AGBL1: variants seen among roughly 807,000 people sequenced by gnomAD.
The protein encoded by AGBL1 is AGBL carboxypeptidase 1, also known as cytosolic carboxypeptidase 4.
Under a neutral mutation model 118.9 loss-of-function variants are expected in AGBL1, and 130 were observed. The ratio of observed to expected loss-of-function variants is 1.09; its 90% CI spans 0.95 to 1.26. AGBL1 has a LOEUF of 1.26. Among genes scored for constraint, AGBL1 ranks in the 50% most tolerant of loss-of-function variants. AGBL1 has a pLI of 0.00. For missense variants in AGBL1, 1,584 were observed against 1,298.1 expected, an observed-to-expected ratio of 1.22 and a Z score of -3.38; for synonymous variants, 555 against 478.9, an observed-to-expected ratio of 1.16 and a Z score of -2.08.
At chr15:86,802,033 T>G (rs1385720856) in intron 22 of AGBL1, among the ~76,000 whole-genome samples, 1 of 152,114 alleles carries the variant, frequency 6.6e-6, no homozygotes, top group Non-Finnish European at 1.5e-5. Flanking sequence ...CCCTAGATGG[T>G]GGGAATAAAT....
intron 23 of AGBL1, among the ~76,000 whole-genome samples, chr15:86,967,297 A>G (rs1596685682): frequency 1.3e-5 from 2 of 151,894 alleles, no homozygotes; most frequent in East Asian, 3.9e-4. Context: ...TCTGACGGTA[A>G]TTTCTTTTGC....
chr15:86,142,956 T>C (rs747791535), intron 2 of AGBL1, among the ~76,000 whole-genome samples: 8 of 152,238 alleles, frequency 5.3e-5, no homozygotes, highest in Admixed American at 1.3e-4. Flanking sequence ...TCGTCTTTGA[T>C]AATGTACCAC....
chr15:86,669,358 T>A (rs2085701662), intron 21 of AGBL1, among the ~76,000 whole-genome samples: 1 of 151,908 alleles, frequency 6.6e-6, no homozygotes, highest in Non-Finnish European at 1.5e-5. Flanking sequence ...ATGAAAAAAA[T>A]CAGAATTTAC....
At chr15:86,129,252 A>G (rs1452281031) in intron 1 of AGBL1, among the ~76,000 whole-genome samples, 1 of 152,180 alleles carries the variant, frequency 6.6e-6, no homozygotes, top group Non-Finnish European at 1.5e-5. Flanking sequence ...GCTAAATTTA[A>G]CTACGTTGTC....
intron 3 of AGBL1, among the ~76,000 whole-genome samples, chr15:86,149,987 A>G (rs993866604): frequency 1.3e-5 from 2 of 152,178 alleles, no homozygotes; most frequent in Non-Finnish European, 2.9e-5. Context: ...TCAAAACCGC[A>G]CAACTACATG....
intron 21 of AGBL1, among the ~76,000 whole-genome samples, chr15:86,641,528 T>C (rs180780514): frequency 2.6e-5 from 4 of 152,260 alleles, no homozygotes; most frequent in African/African-American, 9.6e-5. Context: ...TGAGAATCAT[T>C]TTTCTCCTGA....
chr15:86,974,523 A>G (rs1330505049), intron 23 of AGBL1, among the ~76,000 whole-genome samples: 1 of 139,566 alleles, frequency 7.2e-6, no homozygotes, highest in Non-Finnish European at 1.5e-5. Flanking sequence ...TATATATAAT[A>G]TATATTAAAT....
intron 5 of AGBL1, among the ~76,000 whole-genome samples, chr15:86,185,546 G>C (rs145295356): frequency 0.015 from 2,287 of 152,092 alleles, 66 homozygotes; most frequent in African/African-American, 0.053. Context: ...GAAAACGTGG[G>C]ACATATATAC....
At chr15:86,889,100 T>G (rs1256005281) in intron 22 of AGBL1, among the ~76,000 whole-genome samples, 5 of 152,138 alleles carry the variant, frequency 3.3e-5, no homozygotes, top group Admixed American at 3.3e-4. Context: ...GTTTATAATT[T>G]GTTTTCCGTT....
chr15:86,359,387 C>CTT (rs56189861), intron 17 of AGBL1, among the ~76,000 whole-genome samples: 1 of 93,806 alleles, frequency 1.1e-5, no homozygotes, highest in African/African-American at 4.1e-5. Context: ...TATTGGTTTT[C>CTT]TTTTTTTTTT....
chr15:86,439,238 G>T (rs4887462), intron 18 of AGBL1, among the ~76,000 whole-genome samples: 64,810 of 151,786 alleles, frequency 0.43, 14,467 homozygotes, highest in East Asian at 0.82. Context: ...TTAAGTGTGT[G>T]TTATCTGCCA....
chr15:86,354,645 GAATTCATATGATAT>G (rs1360386610), intron 17 of AGBL1, among the ~76,000 whole-genome samples: 25 of 152,188 alleles, frequency 1.6e-4, no homozygotes, highest in Admixed American at 1.2e-3. Flanking sequence ...GTATATCAAG[GAATTCATATGATAT>G]ATCCATTGTG....
intron 18 of AGBL1, among the ~76,000 whole-genome samples, chr15:86,447,966 G>A (rs575469828): frequency 6.6e-6 from 1 of 152,164 alleles, no homozygotes; most frequent in African/African-American, 2.4e-5. Context: ...GCAACATAAC[G>A]AGACCTCGAC....
At chr15:86,626,459 G>A (rs2084888528) in intron 21 of AGBL1, among the ~76,000 whole-genome samples, 1 of 152,142 alleles carries the variant, frequency 6.6e-6, no homozygotes, top group African/African-American at 2.4e-5. Context: ...GAGCTAAATA[G>A]TGAGAGCACA....
At chr15:86,860,487 G>T (rs888620721) in intron 22 of AGBL1, among the ~76,000 whole-genome samples, 1 of 151,646 alleles carries the variant, frequency 6.6e-6, no homozygotes, top group African/African-American at 2.4e-5. Flanking sequence ...CCTACCAGCT[G>T]AGAAGTGAGA....
chr15:87,009,272 G>C (rs771301997), intron 24 of AGBL1, among the ~76,000 whole-genome samples: 2 of 152,126 alleles, frequency 1.3e-5, no homozygotes, highest in Non-Finnish European at 2.9e-5. Context: ...TGACTAAAAG[G>C]GGCCAATGTA....
intron 19 of AGBL1, among the ~76,000 whole-genome samples, chr15:86,527,328 T>G (rs2083281049): frequency 6.6e-6 from 1 of 152,200 alleles, no homozygotes; most frequent in Non-Finnish European, 1.5e-5. Context: ...GAACATTTAT[T>G]TTAAAGCATG....
chr15:86,832,036 AC>A (rs1440427233), intron 22 of AGBL1, among the ~76,000 whole-genome samples: 5 of 152,290 alleles, frequency 3.3e-5, no homozygotes, highest in Admixed American at 3.3e-4. Flanking sequence ...TGGGGCTTGC[AC>A]CCTCTGAAGC....
intron 5 of AGBL1, among the ~76,000 whole-genome samples, chr15:86,186,680 G>A (rs565191281): frequency 2.0e-5 from 3 of 152,132 alleles, no homozygotes; most frequent in Non-Finnish European, 2.9e-5. Flanking sequence ...CTCACAGAGG[G>A]TATCATTACT....
Sources: gnomAD v4.1 joint callset for allele counts (sites outside exome capture counted in the v4.1 genomes callset) on GRCh38, gnomAD v4.1.1 for gene constraint, MANE v1.5 for transcripts, NCBI Gene and HGNC (gene_info 2026-07-23, HGNC 2026-07-21) for gene names.